ZNF335: variants seen among roughly 807,000 people sequenced by gnomAD.
ZNF335 encodes zinc finger protein 335.
In ZNF335, 84 loss-of-function variants were observed where a neutral mutation model predicts 145.6. That is an observed-to-expected ratio of 0.58 (90% CI 0.48 to 0.69). ZNF335 has a LOEUF of 0.69. Ranked by LOEUF, ZNF335 falls within the 30% of genes least tolerant of loss-of-function variation. ZNF335 has a pLI of 0.00. For missense variants in ZNF335, 1,865 were observed against 1,809.7 expected (o/e 1.03, Z -0.55); for synonymous variants, 761 against 717.0 (o/e 1.06, Z -0.98).
At position 45,959,643 on chromosome 20, in the gene ZNF335, C is replaced by G. The variant is rs3746510; in HGVS notation, c.2021-210G>C. Among the ~76,000 whole-genome samples the G allele has an allele frequency of 0.92, 139,884 of 152,240 alleles. 64,668 individuals are homozygous for G. Among genetic ancestry groups the G allele is most frequent in the Non-Finnish European group, 0.95 (64,736 of 68,014 alleles). On this transcript the variant is annotated intron_variant, in intron 14 of 27. Transcript: ENST00000322927. ...TCTGCACTCAAGAGCCTTCCTGTGC[C>G]TACCTATTTGCAAAGTCATGTGACT...
Position 45,960,439 on chromosome 20 carries a change from G to T in ZNF335, c.1859+10C>A. 2 of 1,614,210 alleles carry T rather than the reference G, an allele frequency of 1.2e-6. No individual in the cohort carries two copies. The highest frequency in any genetic ancestry group is 1.7e-6 in the Non-Finnish European group (2 of 1,180,030). ...TGCTCCCGTCCCCAGGGGCCTCCAA[G>T]GGGATGTACCTGCGGTTGGCAACAG... On this transcript the variant is annotated intron_variant, in intron 13 of 27. Transcript: ENST00000322927.
chr20:45,949,821 G>T lies in ZNF335; in HGVS notation c.3648C>A (p.His1216Gln), dbSNP rs771384983. Residue 1216 changes from histidine (H) to glutamine (Q), a missense_variant, in exon 24 of 28, where the codon CAC (histidine) becomes CAA (glutamine). Physicochemically the swap from His to Gln is conservative, Grantham distance 24. Transcript: ENST00000322927. ...TCACCTGGTTGTCGGAGGTCACCAG[G>T]TGCTGTACGGTCTGGCCATCTGCCG... The part of the protein sequence containing the change: ...ITTADGQTVQ[H>Q]LVTSDNQVQY... The T allele has an allele frequency of 2.5e-6, 4 of 1,614,010 alleles. No individual in the cohort carries two copies. In the African/African-American group the frequency reaches 5.3e-5, roughly 22 times the overall value.
intron 9 of ZNF335, among the ~76,000 whole-genome samples, chr20:45,963,140 T>C (rs556377482): frequency 7.9e-5 from 12 of 152,230 alleles, no homozygotes; most frequent in Middle Eastern, 3.4e-3. Flanking sequence ...TTGAGACACA[T>C]GACTGCCATC....
In ZNF335 at chr20:45,950,234, G is replaced by C; in HGVS notation, c.3472C>G (p.Leu1158Val). Residue 1158 changes from leucine (L) to valine (V), a missense_variant, in exon 22 of 28, where the codon CTG (leucine) becomes GTG (valine). Leu to Val is a conservative substitution (Grantham distance 32). Coordinates refer to ENST00000322927, the MANE Select transcript of ZNF335 (RefSeq NM_022095.4). Reference protein sequence around the residue: ...TIILNSDDETLATLHTALQSS... With the variant: ...TIILNSDDETVATLHTALQSS... The stretch of plus-strand genomic sequence containing the variant: ...GGCAGCTCACTGTGCAGGGTGGCCA[G>C]TGTTTCGTCATCACTGTTCAGGATG... 1 of 1,547,160 alleles carries C rather than the reference G, an allele frequency of 6.5e-7. No homozygotes were observed. Among genetic ancestry groups the C allele is most frequent in the Non-Finnish European group, 8.7e-7 (1 of 1,146,470 alleles).
Position 45,953,705 on chromosome 20 carries a change from G to A in ZNF335, c.2686C>T (p.Pro896Ser). The change falls in exon 18 of 28, where the codon CCT becomes TCT. Residue 896 changes from proline to serine, a missense_variant. Transcript: ENST00000322927. Reference protein sequence around the residue: ...APPMEEGTSAPGTPYSEEPAG... With the variant: ...APPMEEGTSASGTPYSEEPAG... ...AGGTCTCACCTGTAAGGTGTGCCAG[G>A]AGCTGATGTTCCCTCCTCCATAGGG... 1 of 1,614,078 alleles carries A rather than the reference G, an allele frequency of 6.2e-7. No individual in the cohort carries two copies. Among genetic ancestry groups the A allele is most frequent in the Non-Finnish European group, 8.5e-7 (1 of 1,180,010 alleles).
In ZNF335 at chr20:45,959,273, C is replaced by T; in HGVS notation, c.2181G>A (p.Gln727=). 1.3e-6 allele frequency: 2 copies of T among 1,537,466 alleles called. No homozygotes were observed. The highest frequency in any genetic ancestry group is 1.8e-6 in the Non-Finnish European group (2 of 1,136,330). The change falls in exon 15 of 28, where the codon CAG becomes CAA. Residue 727 remains glutamine (Q), a synonymous_variant. Coordinates refer to ENST00000322927, the MANE Select transcript of ZNF335 (RefSeq NM_022095.4). ...GCTGCTGCTTCAGCTCCTCAATCTG[C>T]TGCAGAGAGAAGAAGGGGCGACGGC... ...PSRRRPFFSL[Q]QIEELKQQHS... is the part of the protein sequence containing the mutation.
intron 3 of ZNF335, chr20:45,968,653 T>G: frequency 5.2e-6 from 2 of 387,844 alleles, no homozygotes; most frequent in Non-Finnish European, 9.5e-6. Context: ...GAAGTCCTCC[T>G]TCCTCTCCAA....
intron 6 of ZNF335, chr20:45,966,749 C>T (rs13045341): frequency 6.6e-6 from 1 of 151,440 alleles, no homozygotes; most frequent in Non-Finnish European, 1.5e-5. Context: ...GACGGGGTTT[C>T]ACCATGTTGG....
Position 45,952,269 on chromosome 20 carries a change from T to A in ZNF335, c.3067A>T (p.Ile1023Phe). ...CGGCCAGGGAAGGCCTCGGCACAGATCTTGCAGGAAAACTTCTTTGATGCA... is the reference window on the plus strand; with the variant it reads ...CGGCCAGGGAAGGCCTCGGCACAGAACTTGCAGGAAAACTTCTTTGATGCA... ...TAASKKFSCK[I>F]CAEAFPGRAE... Residue 1023 changes from isoleucine to phenylalanine, a missense_variant, in exon 20 of 28, where the codon ATC becomes TTC. Transcript: ENST00000322927. 1.2e-6 allele frequency: 2 copies of A among 1,613,454 alleles called. No individual in the cohort carries two copies. The highest frequency in any genetic ancestry group is 1.3e-5 in the African/African-American group (1 of 75,046).
chr20:45,962,268 G>A (rs2083857530), intron 9 of ZNF335, 86 bp from the exon 10 acceptor site: 1 of 1,029,858 alleles, frequency 9.7e-7, no homozygotes, highest in African/African-American at 1.6e-5. Flanking sequence ...CACAGTCTTA[G>A]GGTTGCTGCG....
At chr20:45,970,977 C>T (rs751929005) in intron 2 of ZNF335, among the ~76,000 whole-genome samples, 1 of 152,134 alleles carries the variant, frequency 6.6e-6, no homozygotes, top group Non-Finnish European at 1.5e-5. Flanking sequence ...GCTCTGTCTG[C>T]ACTCTGTACC....
At chr20:45,961,239 A>G (rs2083838157) in intron 10 of ZNF335, among the ~76,000 whole-genome samples, 1 of 152,242 alleles carries the variant, frequency 6.6e-6, no homozygotes, top group East Asian at 1.9e-4. Context: ...AAATAATAAA[A>G]AGTTAGCCGG....
chr20:45,970,755 G>GTTTT (rs5841616), intron 2 of ZNF335, among the ~76,000 whole-genome samples: 8 of 127,872 alleles, frequency 6.3e-5, no homozygotes, highest in Non-Finnish European at 8.2e-5. Context: ...GGGCACTTGC[G>GTTTT]TTTTTTTTTT....
Position 45,952,208 on chromosome 20 carries a change from C to T in ZNF335, c.3128G>A (p.Gly1043Glu). 2 of 1,612,864 alleles carry T rather than the reference C, an allele frequency of 1.2e-6. No individual in the cohort carries two copies. Among genetic ancestry groups the T allele is most frequent in the South Asian group, 1.1e-5 (1 of 91,050 alleles). Reference sequence around the variant, plus strand: ...GTCGGGGCACTTGAAGGCACCAGGCCCAGCGTGGGCCCGCTTGTGACTCTC... The same window carrying T: ...GTCGGGGCACTTGAAGGCACCAGGCTCAGCGTGGGCCCGCTTGTGACTCTC... ...EMESHKRAHAGPGAFKCPDCP... is the reference protein window; with the variant it reads ...EMESHKRAHAEPGAFKCPDCP... Residue 1043 changes from glycine (G) to glutamate (E), a missense_variant, in exon 20 of 28, where the codon GGG becomes GAG. By Grantham distance (98) the Gly-to-Glu change is moderately conservative. Transcript: ENST00000322927.
rs2084085120 is a variant in ZNF335, at chr20:45,972,144, CCT to C, written c.-75_-74del. Reference sequence around the variant, plus strand: ...CACCCGAGGCTTTCGTAGCCACGTTCCTCTCTGACTCCGGCATCGACGAGGTC... The same window carrying C: ...CACCCGAGGCTTTCGTAGCCACGTTCCTCTGACTCCGGCATCGACGAGGTC... On this transcript the variant is annotated 5_prime_UTR_variant, in exon 1 of 28. It removes the in-frame stop codon of an upstream open reading frame in the 5' UTR. Transcript: ENST00000322927. 2 of 1,289,444 alleles carry C rather than the reference CCT, an allele frequency of 1.6e-6. No individual in the cohort carries two copies. The highest frequency in any genetic ancestry group is 1.1e-4 in the East Asian group (2 of 17,984). The allele number at this position is 1,289,444 out of a possible 1,614,324, so 79.9% of individuals were successfully genotyped here.
chr20:45,952,174 G>T lies in ZNF335; in HGVS notation c.3162C>A (p.Phe1054Leu). 6.2e-7 allele frequency: 1 copy of T among 1,608,686 alleles called. No individual in the cohort carries two copies. The highest frequency in any genetic ancestry group is 1.1e-5 in the South Asian group (1 of 90,798). ...PGAFKCPDCP[F>L]SARQWPEVRA... ...GGACCTCGGGCCACTGGCGGGCACT[G>T]AAGGGGCAGTCGGGGCACTTGAAGG... The change falls in exon 20 of 28, where the codon TTC becomes TTA. Residue 1054 changes from phenylalanine to leucine, a missense_variant. Physicochemically the swap from Phe to Leu is conservative, Grantham distance 22. Coordinates refer to ENST00000322927, the MANE Select transcript of ZNF335 (RefSeq NM_022095.4).
chr20:45,959,312 C>T lies in ZNF335; in HGVS notation c.2142G>A (p.Glu714=), dbSNP rs200137930. The T allele has an allele frequency of 3.2e-6, 5 of 1,576,292 alleles. No individual in the cohort carries two copies. Among genetic ancestry groups the T allele is most frequent in the African/African-American group, 1.4e-5 (1 of 73,274 alleles). ...AGGGGCGACGGCGGGAGGGGGGCTCCTCAGGGTGGCGCCTCCCCCATTCCT... is the reference window on the plus strand; with the variant it reads ...AGGGGCGACGGCGGGAGGGGGGCTCTTCAGGGTGGCGCCTCCCCCATTCCT... ...SFEEWGRRHP[E]EPPSRRRPFF... Residue 714 remains glutamate, a synonymous_variant, in exon 15 of 28, where the codon GAG becomes GAA. Coordinates refer to ENST00000322927, the MANE Select transcript of ZNF335 (RefSeq NM_022095.4).
At chr20:45,971,995 C>T (rs2062336593) in intron 1 of ZNF335, 127 bp downstream of exon 1, 3 of 1,191,068 alleles carry the variant, frequency 2.5e-6, no homozygotes, top group Non-Finnish European at 3.2e-6. Context: ...GACTAAAGGG[C>T]CTGGGACCCC....
rs200302697 is a variant in ZNF335, at chr20:45,972,149, C to G, written c.-78G>C. ...GAGGCTTTCGTAGCCACGTTCCTCT[C>G]TGACTCCGGCATCGACGAGGTCGCC... On this transcript the variant is annotated 5_prime_UTR_variant, in exon 1 of 28. Transcript: ENST00000322927. 5.4e-6 allele frequency: 7 copies of G among 1,289,496 alleles called. No individual in the cohort carries two copies. Among genetic ancestry groups the G allele is most frequent in the Non-Finnish European group, 7.1e-6 (7 of 988,686 alleles). The allele number at this position is 1,289,496 out of a possible 1,614,324, so 79.9% of individuals were successfully genotyped here.
Sources: allele counts gnomAD v4.1 joint callset (sites outside exome capture counted in the v4.1 genomes callset), GRCh38; gene constraint gnomAD v4.1.1; transcripts MANE v1.5; gene names NCBI Gene and HGNC (gene_info 2026-07-23, HGNC 2026-07-21).